Variants in MKRN1 observed in about 807,000 individuals in gnomAD.
The protein encoded by MKRN1 is makorin ring finger protein 1, also known as E3 ubiquitin-protein ligase makorin-1.
In MKRN1, 9 loss-of-function variants were observed where a neutral mutation model predicts 55.5. That is an observed-to-expected ratio of 0.16 (90% CI 0.10 to 0.28). The LOEUF is 0.28. Ranked by LOEUF, MKRN1 falls within the 10% of genes least tolerant of loss-of-function variation. MKRN1 has a pLI of 1.00. For missense variants in MKRN1, 488 were observed against 626.7 expected (o/e 0.78, Z 2.36); for synonymous variants, 253 against 235.9 (o/e 1.07, Z -0.66).
chr7:140,469,997 G>A (rs991804100), intron 2 of MKRN1, among the ~76,000 whole-genome samples: 3 of 147,466 alleles, frequency 2.0e-5, no homozygotes, highest in South Asian at 2.1e-4. Flanking sequence ...GCAGTGAGCT[G>A]AGGCTGTGCC....
intron 2 of MKRN1, among the ~76,000 whole-genome samples, chr7:140,462,382 A>G (rs1794647699): frequency 6.6e-6 from 1 of 152,196 alleles, no homozygotes; most frequent in African/African-American, 2.4e-5. Context: ...ACTGTGCTAC[A>G]TAATTTATAG....
chr7:140,454,540 C>A lies in MKRN1; in HGVS notation c.1426G>T (p.Asp476Tyr), dbSNP rs377509145. Reference sequence around the variant, plus strand: ...TGCTATAGATCCAAGTCATAAAAATCTTCCAGCTCATCATGAAACAAGTCC... The same window carrying A: ...TGCTATAGATCCAAGTCATAAAAATATTCCAGCTCATCATGAAACAAGTCC... ...EWDLFHDELEDFYDLDL is the reference protein window; with the variant it reads ...EWDLFHDELEYFYDLDL The change falls in exon 8 of 8, where the codon GAT (aspartate) becomes TAT (tyrosine). Residue 476 changes from aspartate (D) to tyrosine (Y), a missense_variant. Physicochemically the swap from Asp to Tyr is radical, Grantham distance 160. Coordinates refer to ENST00000255977, the MANE Select transcript of MKRN1 (RefSeq NM_013446.4). The A allele has an allele frequency of 6.2e-7, 1 of 1,612,332 alleles. No individual in the cohort carries two copies. Among genetic ancestry groups the A allele is most frequent in the African/African-American group, 1.3e-5 (1 of 74,870 alleles).
intron 1 of MKRN1, among the ~76,000 whole-genome samples, chr7:140,477,458 TTAC>T (rs1252410121): frequency 6.6e-5 from 10 of 152,170 alleles, no homozygotes; most frequent in Non-Finnish European, 1.3e-4. Context: ...GTAGCTGAGA[TTAC>T]AAGCGCCTGT....
chr7:140,466,549 A>G (rs1794771593), intron 2 of MKRN1, among the ~76,000 whole-genome samples: 1 of 152,116 alleles, frequency 6.6e-6, no homozygotes, highest in African/African-American at 2.4e-5. Flanking sequence ...TCACGCCTGT[A>G]ATCCCAGCAC....
intron 1 of MKRN1, among the ~76,000 whole-genome samples, chr7:140,474,891 G>A (rs1395550504): frequency 6.6e-6 from 1 of 151,410 alleles, no homozygotes; most frequent in Non-Finnish European, 1.5e-5. Flanking sequence ...GCTAATTTTT[G>A]TATTTTTAGT....
At chr7:140,478,281 T>C (rs1295384419) in intron 1 of MKRN1, 2 of 152,200 alleles carry the variant, frequency 1.3e-5, no homozygotes, top group Non-Finnish European at 2.9e-5. Flanking sequence ...CTCTTCTGCG[T>C]AGAGCTAGGT....
At chr7:140,454,848 G>C (rs555267368) in intron 7 of MKRN1, 119 bp from the exon 8 acceptor site, 8 of 1,153,190 alleles carry the variant, frequency 6.9e-6, no homozygotes, top group Non-Finnish European at 1.0e-5. Flanking sequence ...TTCTTAGTTA[G>C]GGTTTCCATT....
At chr7:140,471,843 T>G (rs1394301642) in intron 2 of MKRN1, 40 bp downstream of exon 2, 49 of 1,600,714 alleles carry the variant, frequency 3.1e-5, no homozygotes, top group Non-Finnish European at 4.1e-5. Flanking sequence ...ACCTTTTTCC[T>G]CCAACCCACC....
intron 2 of MKRN1, among the ~76,000 whole-genome samples, chr7:140,462,985 C>T (rs1014453668): frequency 2.6e-5 from 4 of 151,780 alleles, no homozygotes; most frequent in Non-Finnish European, 4.4e-5. Flanking sequence ...AAAGACTATG[C>T]GCGGTGGCTC....
At chr7:140,472,825 G>GA (rs915032228) in intron 1 of MKRN1, among the ~76,000 whole-genome samples, 23 of 148,974 alleles carry the variant, frequency 1.5e-4, no homozygotes, top group African/African-American at 4.2e-4. Context: ...ATAACAAAAA[G>GA]AAAAAAAAAG....
intron 1 of MKRN1, among the ~76,000 whole-genome samples, chr7:140,477,573 T>C (rs1054638457): frequency 6.6e-6 from 1 of 152,082 alleles, no homozygotes; most frequent in African/African-American, 2.4e-5. Context: ...CCACCTGCCT[T>C]GGCCTCCCAA....
In MKRN1 at chr7:140,458,890, A is replaced by G; in HGVS notation, c.771+117T>C. The stretch of plus-strand genomic sequence containing the variant: ...AAGCCCAAGAAAGGAAAACTTCCCT[A>G]CTCACTGATAACCATTCAATTCATC... On this transcript the variant is annotated intron_variant, in intron 4 of 7. Coordinates refer to ENST00000255977, the MANE Select transcript of MKRN1 (RefSeq NM_013446.4). 2.7e-6 allele frequency: 3 copies of G among 1,096,308 alleles called. No individual in the cohort carries two copies. In the Admixed American group the frequency reaches 6.8e-5, roughly 25 times the overall value. The allele number at this position is 1,096,308 out of a possible 1,614,324, so 67.9% of individuals were successfully genotyped here.
chr7:140,462,191 C>G (rs530132845), intron 2 of MKRN1, among the ~76,000 whole-genome samples: 1 of 152,026 alleles, frequency 6.6e-6, no homozygotes, highest in African/African-American at 2.4e-5. Flanking sequence ...CAATGCTGGT[C>G]TAACTTTTTT....
Position 140,479,235 on chromosome 7 carries a change from G to T in MKRN1, c.110C>A (p.Pro37Gln). The T allele has an allele frequency of 1.4e-6, 2 of 1,447,484 alleles. No homozygotes were observed. The highest frequency in any genetic ancestry group is 1.4e-5 in the South Asian group (1 of 71,820). The allele number at this position is 1,447,484 out of a possible 1,614,324, so 89.7% of individuals were successfully genotyped here. Residue 37 changes from proline (P) to glutamine (Q), a missense_variant, in exon 1 of 8, where the codon CCG (proline) becomes CAG (glutamine). This residue lies in a region of MKRN1 where 210 missense variants were observed against 220.0 expected (regional missense o/e 0.95). Transcript: ENST00000255977. ...SPTPIPTVTA[P>Q]SLGAGGGGGG... Reference sequence around the variant, plus strand: ...GCCCCCTCCGCCCGCCCCCAGGGACGGGGCGGTGACTGTGGGGATCGGGGT... The same window carrying T: ...GCCCCCTCCGCCCGCCCCCAGGGACTGGGCGGTGACTGTGGGGATCGGGGT...
intron 4 of MKRN1, among the ~76,000 whole-genome samples, chr7:140,458,439 A>G (rs1336208035): frequency 6.6e-6 from 1 of 152,200 alleles, no homozygotes; most frequent in African/African-American, 2.4e-5. Context: ...ATTTACATGA[A>G]ATGTCCACAA....
At chr7:140,456,567 G>T in intron 5 of MKRN1, 85 bp downstream of exon 5, 1 of 1,543,340 alleles carries the variant, frequency 6.5e-7, no homozygotes. Flanking sequence ...ATTTAAATGC[G>T]GTCCATCTGG....
intron 2 of MKRN1, among the ~76,000 whole-genome samples, chr7:140,466,485 G>A (rs573722916): frequency 2.0e-5 from 3 of 152,210 alleles, no homozygotes; most frequent in Admixed American, 2.0e-4. Context: ...GGTGAGATAG[G>A]GAGACCCCGT....
At chr7:140,459,975 G>C (rs781292987) in intron 2 of MKRN1, 39 bp from the exon 3 acceptor site, 1 of 1,550,438 alleles carries the variant, frequency 6.4e-7, no homozygotes, top group South Asian at 1.1e-5. Context: ...GGCCAGTCGT[G>C]GTGGCTCAAG....
chr7:140,454,871 C>G, intron 7 of MKRN1, 142 bp from the exon 8 acceptor site: 1 of 1,044,318 alleles, frequency 9.6e-7, no homozygotes, highest in Non-Finnish European at 1.4e-6. Context: ...CCACTTCCTC[C>G]CCTCTGGTTA....
Sources: gnomAD v4.1 joint callset for allele counts (sites outside exome capture counted in the v4.1 genomes callset) on GRCh38, gnomAD v4.1.1 for gene constraint, gnomAD v4.1.1 regional missense constraint, MANE v1.5 for transcripts, NCBI Gene and HGNC (gene_info 2026-07-23, HGNC 2026-07-21) for gene names.